The following ITGA8 variants were observed in gnomAD, a reference collection of about 807,000 sequenced individuals.
The protein encoded by ITGA8 is integrin alpha-8.
A neutral mutation model predicts 142.3 loss-of-function variants in ITGA8; 91 were observed. The ratio of observed to expected loss-of-function variants is 0.64; its 90% CI spans 0.54 to 0.76. ITGA8 has a LOEUF of 0.76. Among genes scored for constraint, ITGA8 ranks in the 30% least tolerant of loss-of-function variants. The pLI is 0.00. For synonymous variants in ITGA8, 505 were observed against 485.2 expected, an observed-to-expected ratio of 1.04 and a Z score of -0.54; for missense variants, 1,406 against 1,327.7, an observed-to-expected ratio of 1.06 and a Z score of -0.92.
rs1162889744 is a variant in ITGA8, at chr10:15,608,150, A to AT, written c.1609+84dup. The AT allele has an allele frequency of 7.1e-6, 7 of 984,138 alleles. No individual in the cohort carries two copies. The East Asian group carries it at 9.7e-5, about 14-fold the overall frequency. 61.0% of individuals were successfully genotyped at this position (984,138 alleles called of 1,614,324 possible). On this transcript the variant is annotated intron_variant, in intron 16 of 29. Transcript: ENST00000378076. ...CTTGGTATTCCTCAAGGGTTCTTTC[A>AT]TTTTTTTATGGTCTGTGCAGAGAAA...
intron 13 of ITGA8, among the ~76,000 whole-genome samples, chr10:15,635,009 T>TC (rs1564384298): frequency 1.4e-5 from 2 of 145,872 alleles, no homozygotes; most frequent in East Asian, 1.9e-4. Context: ...CTTTCTTTTT[T>TC]TTTTTTTTTT....
intron 22 of ITGA8, among the ~76,000 whole-genome samples, chr10:15,588,347 A>G (rs1832868214): frequency 2.0e-5 from 3 of 152,320 alleles, no homozygotes; most frequent in South Asian, 2.1e-4. Flanking sequence ...CCTGGAATGG[A>G]GCATCGCCAC....
At chr10:15,644,443 T>TAC (rs1833932045) in intron 12 of ITGA8, among the ~76,000 whole-genome samples, 1 of 312 alleles carries the variant, frequency 3.2e-3, no homozygotes, top group Non-Finnish European at 4.9e-3. Flanking sequence ...AATATATATA[T>TAC]ATATATATAT....
At chr10:15,636,000 G>C (rs1339443376) in intron 13 of ITGA8, among the ~76,000 whole-genome samples, 2 of 151,818 alleles carry the variant, frequency 1.3e-5, no homozygotes, top group African/African-American at 4.8e-5. Flanking sequence ...ATTTCATTGA[G>C]TGTAATTGTC....
At chr10:15,610,232 ATC>A (rs1486486355) in intron 15 of ITGA8, among the ~76,000 whole-genome samples, 1 of 152,208 alleles carries the variant, frequency 6.6e-6, no homozygotes, top group Non-Finnish European at 1.5e-5. Context: ...CTGTGTTATG[ATC>A]TAAAGAAAAT....
At chr10:15,645,674 C>T (rs986430070) in intron 12 of ITGA8, among the ~76,000 whole-genome samples, 1 of 152,154 alleles carries the variant, frequency 6.6e-6, no homozygotes, top group Non-Finnish European at 1.5e-5. Flanking sequence ...GATGTGAATA[C>T]TTCCAAGGCT....
chr10:15,691,692 G>T (rs1055701420), intron 2 of ITGA8, among the ~76,000 whole-genome samples: 4 of 152,170 alleles, frequency 2.6e-5, no homozygotes, highest in Non-Finnish European at 5.9e-5. Flanking sequence ...AGTTACCAGA[G>T]GCTGGGGAGG....
intron 25 of ITGA8, among the ~76,000 whole-genome samples, chr10:15,569,343 T>C (rs74124270): frequency 0.12 from 18,942 of 152,068 alleles, 2,026 homozygotes; most frequent in East Asian, 0.31. Context: ...GGGTGAAGAA[T>C]GTGTAGACAT....
rs12257352 is a variant in ITGA8 at position 15,651,323 on chromosome 10, T to C, written c.1001+4031A>G. 4.0e-3 allele frequency among the ~76,000 whole-genome samples: 602 copies of C among 152,318 alleles called. 3 individuals carry two copies. The highest frequency in any genetic ancestry group is 0.014 in the African/African-American group (574 of 41,588). ...ACGGAGTTTGTAGTACTGGAAGTCTTGAGATAACGAAACTGAAGATAATTT... is the reference window on the plus strand; with the variant it reads ...ACGGAGTTTGTAGTACTGGAAGTCTCGAGATAACGAAACTGAAGATAATTT... On this transcript the variant is annotated intron_variant, in intron 11 of 29. Transcript: ENST00000378076.
intron 15 of ITGA8, chr10:15,611,401 A>T (rs934920428): frequency 3.3e-5 from 5 of 152,186 alleles, no homozygotes; most frequent in African/African-American, 1.2e-4. Context: ...TCTTAATAAT[A>T]TGATTAAATG....
At position 15,527,906 on chromosome 10, in the gene ITGA8, C is replaced by CTTTTTTTTTTTTTTTT. The variant is rs34758919; in HGVS notation, c.2982+3128_2982+3143dup. Among the ~76,000 whole-genome samples, 31 of 78,036 alleles carry CTTTTTTTTTTTTTTTT rather than the reference C, an allele frequency of 4.0e-4. 15 individuals carry two copies. Among genetic ancestry groups the CTTTTTTTTTTTTTTTT allele is most frequent in the African/African-American group, 3.7e-4 (7 of 18,992 alleles). The allele number at this position is 78,036 out of a possible 152,430, so 51.2% of individuals were successfully genotyped here. A position where few individuals can be genotyped will look rare whatever the true frequency, so the allele number is the denominator to read the frequency against. ...TTAAAGCAATTCCCTTTCGGCTGGG[C>CTTTTTTTTTTTTTTTT]TTTTTTTTTTTTTTTTTTTTTTTTT... On this transcript the variant is annotated intron_variant, in intron 28 of 29. Coordinates refer to ENST00000378076, the MANE Select transcript of ITGA8 (RefSeq NM_003638.3).
intron 26 of ITGA8, among the ~76,000 whole-genome samples, chr10:15,555,193 C>A (rs1833866444): frequency 6.6e-6 from 1 of 152,168 alleles, no homozygotes; most frequent in African/African-American, 2.4e-5. Flanking sequence ...TGAATTTGGT[C>A]ACTACCAACA....
intron 27 of ITGA8, among the ~76,000 whole-genome samples, chr10:15,544,894 A>C (rs1282804909): frequency 1.3e-5 from 2 of 152,272 alleles, no homozygotes; most frequent in East Asian, 3.9e-4. Context: ...CTCAAGCAGC[A>C]CTGTGGAGAG....
At chr10:15,566,867 C>G (rs1834089994) in intron 25 of ITGA8, among the ~76,000 whole-genome samples, 1 of 79,688 alleles carries the variant, frequency 1.3e-5, no homozygotes, top group Non-Finnish European at 2.3e-5. Context: ...AATCCCAGCA[C>G]TCTGGGAGGC....
chr10:15,633,780 TC>T (rs1480033767), intron 13 of ITGA8, among the ~76,000 whole-genome samples: 3 of 152,340 alleles, frequency 2.0e-5, no homozygotes, highest in South Asian at 4.1e-4. Flanking sequence ...GGATCCCTTT[TC>T]CCCCCCTCAC....
chr10:15,537,880 G>T (rs1478186708), intron 27 of ITGA8, among the ~76,000 whole-genome samples: 2 of 152,086 alleles, frequency 1.3e-5, no homozygotes, highest in African/African-American at 4.8e-5. Context: ...TGCCTTGGAA[G>T]GCCAAGGCAA....
intron 27 of ITGA8, among the ~76,000 whole-genome samples, chr10:15,547,526 C>G (rs958523759): frequency 1.3e-5 from 2 of 152,134 alleles, no homozygotes; most frequent in Non-Finnish European, 1.5e-5. Flanking sequence ...GAGTCAAGAT[C>G]GCACTACTGC....
At chr10:15,620,470 G>A (rs1833468708) in intron 13 of ITGA8, among the ~76,000 whole-genome samples, 2 of 152,156 alleles carry the variant, frequency 1.3e-5, no homozygotes, top group Admixed American at 6.5e-5. Flanking sequence ...CTGTGCCTTC[G>A]GGTGGGAATT....
chr10:15,571,414 A>C (rs980460320), intron 25 of ITGA8, among the ~76,000 whole-genome samples: 1 of 152,224 alleles, frequency 6.6e-6, no homozygotes, highest in African/African-American at 2.4e-5. Flanking sequence ...ACAATATCTG[A>C]CTACAAGATG....
Sources: allele counts gnomAD v4.1 joint callset (sites outside exome capture counted in the v4.1 genomes callset), GRCh38; gene constraint gnomAD v4.1.1; transcripts MANE v1.5; gene names NCBI Gene and HGNC (gene_info 2026-07-23, HGNC 2026-07-21).